TIMM21: variants seen among roughly 807,000 people sequenced by gnomAD.
TIMM21 encodes the protein translocase of inner mitochondrial membrane 21.
In TIMM21, 30 loss-of-function variants were observed where a neutral mutation model predicts 27.7. That is an observed-to-expected ratio of 1.08 (90% CI 0.81 to 1.47). The LOEUF (loss-of-function observed/expected upper bound fraction) is 1.47. Among genes scored for constraint, TIMM21 ranks in the 40% most tolerant of loss-of-function variants. TIMM21 has a pLI of 0.00. For synonymous variants in TIMM21, 121 were observed against 114.4 expected (o/e 1.06, Z -0.37); for missense variants, 292 against 302.9 (o/e 0.96, Z 0.27).
chr18:74,153,979 A>G (rs1249082537), intron 1 of TIMM21, among the ~76,000 whole-genome samples: 1 of 152,250 alleles, frequency 6.6e-6, no homozygotes, highest in Non-Finnish European at 1.5e-5. Flanking sequence ...AGTGAAAAGC[A>G]TAGTCGTAAT....
rs567671784 is a variant in TIMM21 at position 74,153,272 on chromosome 18, G to A, written c.302-1873G>A. On this transcript the variant is annotated intron_variant, in intron 1 of 5. Coordinates refer to ENST00000169551, the MANE Select transcript of TIMM21 (RefSeq NM_014177.3). ...TAGAATATGGAGAATATTTAGCACA[G>A]GGCTTTATATATAACAGATATACAG... Among the ~76,000 whole-genome samples the A allele has an allele frequency of 1.1e-4, 16 of 152,318 alleles. No individual in the cohort carries two copies. In the South Asian group the frequency reaches 3.3e-3, roughly 32 times the overall value.
chr18:74,151,729 A>G (rs1360373491), intron 1 of TIMM21, among the ~76,000 whole-genome samples: 1 of 152,122 alleles, frequency 6.6e-6, no homozygotes, highest in Non-Finnish European at 1.5e-5. Flanking sequence ...CCAGTTTGCC[A>G]TGGCTGTTCT....
rs1979825980 is a variant in TIMM21 at position 74,152,084 on chromosome 18, C to T, written c.301+2975C>T. On this transcript the variant is annotated intron_variant, in intron 1 of 5. Transcript: ENST00000169551. The surrounding 1 kb of genome is among the most constrained non-coding windows in gnomAD (Gnocchi z 4.1). ...GTATCTTGCTAGGCAGAAACCCCCA[C>T]CCACCCCTCGCCCAGTTTCCAAGGT... Among the ~76,000 whole-genome samples the T allele has an allele frequency of 6.6e-6, 1 of 152,092 alleles. No homozygotes were observed. The highest frequency in any genetic ancestry group is 6.5e-5 in the Admixed American group (1 of 15,270).
Position 74,159,414 on chromosome 18 carries a change from C to G in TIMM21, c.*934C>G, listed in dbSNP as rs1022366550. The G allele has an allele frequency of 2.6e-5, 4 of 151,758 alleles. No individual in the cohort carries two copies. The highest frequency in any genetic ancestry group is 9.7e-5 in the African/African-American group (4 of 41,304). The allele number at this position is 151,758 out of a possible 1,614,324, so 9.4% of individuals were successfully genotyped here. ...TATGTGCATTGGGAGGGGTCTAGAA[C>G]CATGTTTATCTGCGGTGGCTTCAGT... is the stretch of plus-strand genomic sequence containing the variant. On this transcript the variant is annotated 3_prime_UTR_variant, in exon 6 of 6. Transcript: ENST00000169551.
intron 1 of TIMM21, among the ~76,000 whole-genome samples, chr18:74,149,997 A>G (rs1230430116): frequency 6.6e-6 from 1 of 152,208 alleles, no homozygotes; most frequent in African/African-American, 2.4e-5. Flanking sequence ...TGCGTCCAGA[A>G]TTCAAACAGG....
chr18:74,153,743 C>T (rs148434237), intron 1 of TIMM21, among the ~76,000 whole-genome samples: 7 of 152,200 alleles, frequency 4.6e-5, no homozygotes, highest in South Asian at 2.1e-4. Context: ...TTTAAACAAG[C>T]GTTGTATTAG....
rs1979826804 is a variant in TIMM21, at chr18:74,152,113, G to A, written c.301+3004G>A. Among the ~76,000 whole-genome samples the A allele has an allele frequency of 6.6e-6, 1 of 152,168 alleles. No homozygotes were observed. The highest frequency in any genetic ancestry group is 6.5e-5 in the Admixed American group (1 of 15,282). The stretch of plus-strand genomic sequence containing the variant: ...CCCCTCGCCCAGTTTCCAAGGTGGA[G>A]GAAGTGCCAACCTTTACCAGACACT... On this transcript the variant is annotated intron_variant, in intron 1 of 5. Coordinates refer to ENST00000169551, the MANE Select transcript of TIMM21 (RefSeq NM_014177.3). This position sits in a 1 kb window ranked among gnomAD's most constrained non-coding sequence, Gnocchi z 4.1.
chr18:74,155,683 A>G (rs777005651), intron 3 of TIMM21, among the ~76,000 whole-genome samples: 12 of 152,210 alleles, frequency 7.9e-5, no homozygotes, highest in Non-Finnish European at 1.8e-4. Flanking sequence ...AACTCATGGT[A>G]AGTTTCTAGT....
At chr18:74,157,718 C>T in intron 3 of TIMM21, 1 of 288,978 alleles carries the variant, frequency 3.5e-6, no homozygotes. Flanking sequence ...GCCTCAGCTT[C>T]CTGAGTAGCT....
At chr18:74,157,951 A>C in intron 3 of TIMM21, 63 bp from the exon 4 acceptor site, 1 of 1,568,880 alleles carries the variant, frequency 6.4e-7, no homozygotes, top group Admixed American at 1.8e-5. Flanking sequence ...TGGTTTGTTA[A>C]AAATTATTTC....
chr18:74,151,104 G>T (rs1389498332), intron 1 of TIMM21, among the ~76,000 whole-genome samples: 3 of 152,206 alleles, frequency 2.0e-5, no homozygotes, highest in Admixed American at 2.0e-4. Context: ...CGGTCAGGGG[G>T]TCATCATGAC....
At chr18:74,154,962 C>A in intron 1 of TIMM21, 183 bp from the exon 2 acceptor site, 1 of 615,968 alleles carries the variant, frequency 1.6e-6, no homozygotes. Flanking sequence ...CCAAGCCCTG[C>A]TCTGAGAATT....
rs1319861086 is a variant in TIMM21 at position 74,160,324 on chromosome 18, AAAAAAAC to A, written c.*1853_*1859del. ...ACGGAGTGTGACTTCGTCTCAAAAAAAAAAAACAAAAAACAGATCTGAGCTTTTATAA... is the reference window on the plus strand; with the variant it reads ...ACGGAGTGTGACTTCGTCTCAAAAAAAAAAAACAGATCTGAGCTTTTATAA... On this transcript the variant is annotated 3_prime_UTR_variant, in exon 6 of 6. Coordinates refer to ENST00000169551, the MANE Select transcript of TIMM21 (RefSeq NM_014177.3). 4 of 151,872 alleles carry A rather than the reference AAAAAAAC, an allele frequency of 2.6e-5. No individual in the cohort carries two copies. Among genetic ancestry groups the A allele is most frequent in the African/African-American group, 4.8e-5 (2 of 41,262 alleles). The allele number at this position is 151,872 out of a possible 1,614,324, so 9.4% of individuals were successfully genotyped here. A position where few individuals can be genotyped will look rare whatever the true frequency, so the allele number is the denominator to read the frequency against.
At position 74,158,192 on chromosome 18, in the gene TIMM21, T is replaced by TG. The variant is rs1568192684; in HGVS notation, c.561dup (p.Leu188AlafsTer11). 9 of 1,614,156 alleles carry TG rather than the reference T, an allele frequency of 5.6e-6. No homozygotes were observed. The highest frequency in any genetic ancestry group is 7.6e-6 in the Non-Finnish European group (9 of 1,180,034). On this transcript the variant is annotated frameshift_variant, in exon 5 of 6. Coordinates refer to ENST00000169551, the MANE Select transcript of TIMM21 (RefSeq NM_014177.3). LOFTEE classifies it high-confidence loss of function. ...ACAGGTTCACTGAATATGTAAAAGA[T>TG]GGGCTGAAACACACGTGTGTGAAAT...
At chr18:74,153,149 A>T (rs1599208874) in intron 1 of TIMM21, among the ~76,000 whole-genome samples, 1 of 152,346 alleles carries the variant, frequency 6.6e-6, no homozygotes, top group East Asian at 1.9e-4. Context: ...GGTTTTTTGC[A>T]TACAAGTATT....
At chr18:74,157,919 A>AT (rs201235149) in intron 3 of TIMM21, 95 bp from the exon 4 acceptor site, 1,747 of 1,366,948 alleles carry the variant, frequency 1.3e-3, no homozygotes, top group Middle Eastern at 2.5e-3. Context: ...AAGCTTACTG[A>AT]TTTTTTTTTC....
Position 74,152,510 on chromosome 18 carries a change from C to G in TIMM21, c.302-2635C>G, listed in dbSNP as rs1354392331. 1.3e-5 allele frequency among the ~76,000 whole-genome samples: 2 copies of G among 152,140 alleles called. No homozygotes were observed. The highest frequency in any genetic ancestry group is 4.8e-5 in the African/African-American group (2 of 41,436). On this transcript the variant is annotated intron_variant, in intron 1 of 5. Transcript: ENST00000169551. The surrounding 1 kb of genome is among the most constrained non-coding windows in gnomAD (Gnocchi z 4.1). ...AAAATTGCTGATTCCTCCTAAACTC[C>G]CAGAATAACACATCAGCCAGTACAT...
In TIMM21 at chr18:74,152,731, T is replaced by A. The variant is rs991198552; in HGVS notation, c.302-2414T>A. 3.3e-5 allele frequency among the ~76,000 whole-genome samples: 5 copies of A among 152,138 alleles called. No individual in the cohort carries two copies. The highest frequency in any genetic ancestry group is 1.2e-4 in the African/African-American group (5 of 41,440). On this transcript the variant is annotated intron_variant, in intron 1 of 5. Transcript: ENST00000169551. The surrounding 1 kb of genome is among the most constrained non-coding windows in gnomAD (Gnocchi z 4.1). ...CACTCCTGGTAGCACCCGTTGTAGG[T>A]TGGCTTCCCAGGGAAGTGGGATTTG...
intron 3 of TIMM21, 94 bp from the exon 4 acceptor site, chr18:74,157,919 AT>A (rs201235149): frequency 1.0e-4 from 141 of 1,371,154 alleles, no homozygotes; most frequent in South Asian, 2.7e-4. Context: ...AAGCTTACTG[AT>A]TTTTTTTTCC....
Sources: gnomAD v4.1 joint callset for allele counts (sites outside exome capture counted in the v4.1 genomes callset) on GRCh38, gnomAD v4.1.1 for gene constraint, Gnocchi (gnomAD v3.1) non-coding constraint, MANE v1.5 for transcripts, NCBI Gene and HGNC (gene_info 2026-07-23, HGNC 2026-07-21) for gene names.